The following SCAF1 variants were observed in gnomAD, a reference collection of about 807,000 sequenced individuals.
SCAF1 encodes the protein SR-related CTD associated factor 1, also known as splicing factor, arginine/serine-rich 19.
In SCAF1, 28 loss-of-function variants were observed where a neutral mutation model predicts 91.2. The observed-to-expected ratio is 0.31, with a 90% CI of 0.23 to 0.42. SCAF1 has a LOEUF of 0.42. Ranked by LOEUF, SCAF1 falls within the 10% of genes least tolerant of loss-of-function variation. The pLI, the probability that SCAF1 is intolerant of heterozygous loss-of-function variation, is 1.00. For synonymous variants in SCAF1, 1,036 were observed against 833.7 expected (o/e 1.24, Z -4.18); for missense variants, 1,893 against 1,872.1 (o/e 1.01, Z -0.21).
chr19:49,657,989 A>T, intron 10 of SCAF1, 100 bp downstream of exon 10: 2 of 1,470,248 alleles, frequency 1.4e-6, no homozygotes, highest in Non-Finnish European at 1.8e-6. Context: ...GACGGGGAGG[A>T]GGTCAGTCTG....
chr19:49,646,979 AT>A lies in SCAF1; in HGVS notation c.478+150del. 1.5e-6 allele frequency: 1 copy of A among 647,050 alleles called. No individual in the cohort carries two copies. Among genetic ancestry groups the A allele is most frequent in the East Asian group, 2.7e-5 (1 of 36,440 alleles). The allele number at this position is 647,050 out of a possible 1,614,324, so 40.1% of individuals were successfully genotyped here. A position where few individuals can be genotyped will look rare whatever the true frequency, so the allele number is the denominator to read the frequency against. The stretch of plus-strand genomic sequence containing the variant: ...TAGACGTGATTAAGGCTGTAGGCGC[AT>A]ACAGATGTACATAAAGTAAAAACTG... On this transcript the variant is annotated intron_variant, in intron 6 of 10. Transcript: ENST00000360565. The surrounding 1 kb of genome is among the most constrained non-coding windows in gnomAD (Gnocchi z 5.6).
At chr19:49,648,611 A>G (rs1459674782) in intron 6 of SCAF1, among the ~76,000 whole-genome samples, 1 of 143,722 alleles carries the variant, frequency 7.0e-6, no homozygotes, top group African/African-American at 2.6e-5. Flanking sequence ...CATTAAGTAC[A>G]GTGATATGGT....
intron 9 of SCAF1, among the ~76,000 whole-genome samples, chr19:49,656,760 C>G (rs2081141881): frequency 6.6e-6 from 1 of 152,198 alleles, no homozygotes; most frequent in African/African-American, 2.4e-5. Context: ...ACAGGCACAG[C>G]TCCCCTGGAT....
At chr19:49,657,100 G>T (rs1298186385) in intron 9 of SCAF1, among the ~76,000 whole-genome samples, 1 of 152,220 alleles carries the variant, frequency 6.6e-6, no homozygotes, top group Non-Finnish European at 1.5e-5. Context: ...GGTACAGTGA[G>T]CAGTGATTGT....
In SCAF1 at chr19:49,657,901, G is replaced by T. The variant is rs527260964; in HGVS notation, c.3747+12G>T. On this transcript the variant is annotated intron_variant, in intron 10 of 10. Transcript: ENST00000360565. ...AGGCCGTCCACAAGGTGGGCACCCG[G>T]AGAGAGGGGCAGACACAGGCCGGGG... 6.2e-7 allele frequency: 1 copy of T among 1,610,156 alleles called. No individual in the cohort carries two copies. Among genetic ancestry groups the T allele is most frequent in the South Asian group, 1.1e-5 (1 of 90,314 alleles).
chr19:49,651,307 T>G lies in SCAF1; in HGVS notation c.918T>G (p.Asp306Glu). Reference sequence around the variant, plus strand: ...CGGAGACCCTGGCGGGCATCTACGATGACAACAGCCTGAGCCAGGACTTCC... The same window carrying G: ...CGGAGACCCTGGCGGGCATCTACGAGGACAACAGCCTGAGCCAGGACTTCC... ...RISETLAGIY[D>E]DNSLSQDFPG... The change falls in exon 7 of 11, where the codon GAT becomes GAG. Residue 306 changes from aspartate to glutamate, a missense_variant. Physicochemically the swap from Asp to Glu is conservative, Grantham distance 45. Around this residue, in one of 5 missense-constraint regions of SCAF1, gnomAD observed 80 missense variants for 116.6 expected, o/e 0.69. Transcript: ENST00000360565. 1 of 1,610,458 alleles carries G rather than the reference T, an allele frequency of 6.2e-7. No homozygotes were observed. The highest frequency in any genetic ancestry group is 8.5e-7 in the Non-Finnish European group (1 of 1,179,750).
rs1164119700 is a variant in SCAF1 at position 49,658,489 on chromosome 19, G to A, written c.*90G>A. 1.8e-5 allele frequency: 13 copies of A among 728,422 alleles called. No individual in the cohort carries two copies. The highest frequency in any genetic ancestry group is 7.1e-5 in the South Asian group (4 of 56,192). 45.1% of individuals were successfully genotyped at this position (728,422 alleles called of 1,614,324 possible). A position where few individuals can be genotyped will look rare whatever the true frequency, so the allele number is the denominator to read the frequency against. On this transcript the variant is annotated 3_prime_UTR_variant, in exon 11 of 11. Transcript: ENST00000360565. ...CCCCACCTCCCTCCCCCGTCAGTGG[G>A]ATGACTGGGGGAGGGTTGCTGCAGG...
At chr19:49,648,381 G>GGATTATGGCCGT (rs1436343562) in intron 6 of SCAF1, among the ~76,000 whole-genome samples, 1 of 151,934 alleles carries the variant, frequency 6.6e-6, no homozygotes, top group Admixed American at 6.6e-5. Context: ...CAAACTGCTG[G>GGATTATGGCCGT]GATTATGGGC....
In SCAF1 at chr19:49,656,447, C is replaced by G. The variant is rs186162200; in HGVS notation, c.3619-1314C>G. Among the ~76,000 whole-genome samples, 8 of 152,328 alleles carry G rather than the reference C, an allele frequency of 5.3e-5. No homozygotes were observed. In the East Asian group the frequency reaches 1.5e-3, roughly 29 times the overall value. ...CCTTCCCAGGACTCAGTTTACCTGC[C>G]CCTACTTTGATAGTCACCTGGCTTG... On this transcript the variant is annotated intron_variant, in intron 9 of 10. Transcript: ENST00000360565.
chr19:49,656,099 C>T (rs1051669380), intron 9 of SCAF1, among the ~76,000 whole-genome samples: 1 of 152,256 alleles, frequency 6.6e-6, no homozygotes, highest in African/African-American at 2.4e-5. Context: ...GCCGCAGAGG[C>T]GGGGCTGCAG....
chr19:49,644,576 T>A (rs2081043879), intron 1 of SCAF1, among the ~76,000 whole-genome samples: 1 of 152,192 alleles, frequency 6.6e-6, no homozygotes, highest in East Asian at 1.9e-4. Context: ...CCCAGCACAT[T>A]GGCCTTGGGA....
At position 49,646,936 on chromosome 19, in the gene SCAF1, T is replaced by G; in HGVS notation, c.478+106T>G. The stretch of plus-strand genomic sequence containing the variant: ...GTGATCATGTTATTTAGACAAAACC[T>G]TTCCCTTCTCTTCGTATTAGACGTG... On this transcript the variant is annotated intron_variant, in intron 6 of 10. Transcript: ENST00000360565. This position sits in a 1 kb window ranked among gnomAD's most constrained non-coding sequence, Gnocchi z 5.6. 1 of 805,790 alleles carries G rather than the reference T, an allele frequency of 1.2e-6. No homozygotes were observed. Among genetic ancestry groups the G allele is most frequent in the South Asian group, 1.8e-5 (1 of 55,818 alleles). 49.9% of individuals were successfully genotyped at this position (805,790 alleles called of 1,614,324 possible). A position where few individuals can be genotyped will look rare whatever the true frequency, so the allele number is the denominator to read the frequency against.
chr19:49,640,632 C>A (rs756179643), upstream of SCAF1, among the ~76,000 whole-genome samples: 5 of 152,160 alleles, frequency 3.3e-5, no homozygotes, highest in African/African-American at 4.8e-5. Context: ...CCTAGCCAAG[C>A]TTTCGACCCC....
chr19:49,654,364 T>G lies in SCAF1; in HGVS notation c.3332T>G (p.Phe1111Cys). 1 of 1,613,448 alleles carries G rather than the reference T, an allele frequency of 6.2e-7. No homozygotes were observed. Among genetic ancestry groups the G allele is most frequent in the Non-Finnish European group, 8.5e-7 (1 of 1,179,952 alleles). The stretch of plus-strand genomic sequence containing the variant: ...CCTCCTGCAGTGACTGCACTTCTCT[T>G]CAAGATGGAAGAAGCCAACCTGGCG... ...SGVLALTALL[F>C]KMEEANLASR... The change falls in exon 8 of 11, where the codon TTC becomes TGC. Residue 1111 changes from phenylalanine (F) to cysteine (C), a missense_variant. By Grantham distance (205) the Phe-to-Cys change is radical. Around this residue, in one of 5 missense-constraint regions of SCAF1, gnomAD observed 1,436 missense variants for 1,306.8 expected, o/e 1.10. Coordinates refer to ENST00000360565, the MANE Select transcript of SCAF1 (RefSeq NM_021228.3).
intron 6 of SCAF1, among the ~76,000 whole-genome samples, chr19:49,647,087 C>A (rs965280765): frequency 6.6e-6 from 1 of 152,216 alleles, no homozygotes; most frequent in Non-Finnish European, 1.5e-5. Flanking sequence ...CTGCACTGGG[C>A]GTTCATCTCC....
rs772558824 is a variant in SCAF1 at position 49,646,063 on chromosome 19, C to T, written c.167-45C>T. 1.3e-6 allele frequency: 2 copies of T among 1,551,704 alleles called. No homozygotes were observed. The highest frequency in any genetic ancestry group is 1.7e-5 in the Admixed American group (1 of 59,532). ...CTTTCCTCTACCCCGCAAGTCTCTG[C>T]AGCAAGTCCCCTGTGTCCAATCCCC... On this transcript the variant is annotated intron_variant, in intron 3 of 10. Coordinates refer to ENST00000360565, the MANE Select transcript of SCAF1 (RefSeq NM_021228.3). The surrounding 1 kb of genome is among the most constrained non-coding windows in gnomAD (Gnocchi z 5.6).
chr19:49,651,589 G>A lies in SCAF1; in HGVS notation c.1200G>A (p.Glu400=). 12 of 1,541,786 alleles carry A rather than the reference G, an allele frequency of 7.8e-6. No individual in the cohort carries two copies. The highest frequency in any genetic ancestry group is 1.0e-5 in the Non-Finnish European group (12 of 1,144,596). The change falls in exon 7 of 11, where the codon GAG becomes GAA. Residue 400 remains glutamate (E), a synonymous_variant. Transcript: ENST00000360565. Reference sequence around the variant, plus strand: ...AGGAAGGGGAGATCGTCCAGCCGGAGGAGGAGCCCAGGCTGGCGCTGTCCC... The same window carrying A: ...AGGAAGGGGAGATCGTCCAGCCGGAAGAGGAGCCCAGGCTGGCGCTGTCCC... ...EIEEGEIVQP[E]EEPRLALSLF...
chr19:49,648,771 G>C (rs2081069604), intron 6 of SCAF1, among the ~76,000 whole-genome samples: 1 of 151,812 alleles, frequency 6.6e-6, no homozygotes, highest in Admixed American at 6.6e-5. Context: ...AAGAGATTGA[G>C]ACCATCCTGG....
Position 49,646,295 on chromosome 19 carries a change from T to C in SCAF1, c.261+93T>C. 1 of 1,108,660 alleles carries C rather than the reference T, an allele frequency of 9.0e-7. No individual in the cohort carries two copies. Among genetic ancestry groups the C allele is most frequent in the Non-Finnish European group, 1.3e-6 (1 of 777,666 alleles). 68.7% of individuals were successfully genotyped at this position (1,108,660 alleles called of 1,614,324 possible). On this transcript the variant is annotated intron_variant, in intron 4 of 10. Coordinates refer to ENST00000360565, the MANE Select transcript of SCAF1 (RefSeq NM_021228.3). The surrounding 1 kb of genome is among the most constrained non-coding windows in gnomAD (Gnocchi z 5.6). ...TCTGGGGGAATGGGGTTTGGGGACC[T>C]GGACTCCTGGCTCTGCGATGCTGAC...
Sources: allele counts gnomAD v4.1 joint callset (sites outside exome capture counted in the v4.1 genomes callset), GRCh38; gene constraint gnomAD v4.1.1; regional missense constraint gnomAD v4.1.1; non-coding constraint Gnocchi (gnomAD v3.1); transcripts MANE v1.5; gene names NCBI Gene and HGNC (gene_info 2026-07-23, HGNC 2026-07-21).